The following IRAK1BP1 variants were observed in gnomAD, a reference collection of about 807,000 sequenced individuals.
IRAK1BP1 encodes interleukin 1 receptor associated kinase 1 binding protein 1.
IRAK1BP1 carries 24 observed loss-of-function variants against 28.0 expected under a neutral mutation model. That is an observed-to-expected ratio of 0.86 (90% CI 0.62 to 1.20). IRAK1BP1 has a LOEUF of 1.20. Among genes scored for constraint, IRAK1BP1 ranks in the 50% most tolerant of loss-of-function variants. The pLI, the probability that IRAK1BP1 is intolerant of heterozygous loss-of-function variation, is 0.00. For missense variants in IRAK1BP1, 336 were observed against 316.7 expected, an observed-to-expected ratio of 1.06 and a Z score of -0.46; for synonymous variants, 131 against 116.3, an observed-to-expected ratio of 1.13 and a Z score of -0.81.
chr6:78,935,441 C>A, intron 4 of IRAK1BP1: 1 of 915,268 alleles, frequency 1.1e-6, no homozygotes, highest in East Asian at 1.2e-4. Context: ...ACCTTCTTTC[C>A]ATCATTCCTT....
exon 5 of IRAK1BP1, chr6:78,945,976 T>C (rs1391420198): frequency 3.9e-6 from 6 of 1,549,026 alleles, no homozygotes; most frequent in Non-Finnish European, 4.5e-6. Context: ...ATCATATACA[T>C]TTCAATTTAG....
intron 1 of IRAK1BP1, among the ~76,000 whole-genome samples, chr6:78,877,747 G>C (rs1771055762): frequency 6.6e-6 from 1 of 152,190 alleles, no homozygotes; most frequent in Admixed American, 6.5e-5. Context: ...CTAGCCAAGG[G>C]AACCCGTGAC....
chr6:78,924,337 A>C (rs528482446), intron 4 of IRAK1BP1, among the ~76,000 whole-genome samples: 30 of 152,274 alleles, frequency 2.0e-4, no homozygotes. Context: ...TAAATTCCTC[A>C]ACACATACAC....
intron 4 of IRAK1BP1, chr6:78,940,361 C>T (rs1430048629): frequency 6.6e-6 from 1 of 151,490 alleles, no homozygotes; most frequent in African/African-American, 2.4e-5. Context: ...GCAGAATTGT[C>T]TTTTCTATAA....
chr6:78,873,432 TATA>T (rs1770868930), intron 1 of IRAK1BP1, among the ~76,000 whole-genome samples: 1 of 152,084 alleles, frequency 6.6e-6, no homozygotes, highest in South Asian at 2.1e-4. Context: ...TACCTTTGTA[TATA>T]ATGTTTATTG....
At chr6:78,908,846 T>A (rs535525068) in intron 4 of IRAK1BP1, among the ~76,000 whole-genome samples, 103 of 152,202 alleles carry the variant, frequency 6.8e-4, no homozygotes, top group Non-Finnish European at 1.0e-3. Context: ...TTCAAGTTCT[T>A]TCCCAACAAC....
chr6:78,945,228 T>C, intron 4 of IRAK1BP1: 1 of 1,149,130 alleles, frequency 8.7e-7, no homozygotes, highest in Non-Finnish European at 1.3e-6. Flanking sequence ...TGGATATAAA[T>C]GCTGATTCCA....
In IRAK1BP1 at chr6:78,889,951, C is replaced by T. The variant is rs181938267; in HGVS notation, c.381+4508C>T. On this transcript the variant is annotated intron_variant, in intron 2 of 3. Transcript: ENST00000369940. Reference sequence around the variant, plus strand: ...ACCCAAAGGATTATAAATCATTCTACTGTAAAGACACATGTAGACGTACAT... The same window carrying T: ...ACCCAAAGGATTATAAATCATTCTATTGTAAAGACACATGTAGACGTACAT... 1.4e-4 allele frequency among the ~76,000 whole-genome samples: 21 copies of T among 152,296 alleles called. No homozygotes were observed. The East Asian group carries it at 4.1e-3, about 29-fold the overall frequency.
the IRAK1BP1 span, among the ~76,000 whole-genome samples, chr6:78,959,477 C>T: frequency 6.6e-6 from 1 of 151,980 alleles, no homozygotes; most frequent in Non-Finnish European, 1.5e-5. Flanking sequence ...ACCAGCAGGG[C>T]AAACTGACAG....
chr6:78,958,494 G>C, the IRAK1BP1 span: 1 of 1,537,744 alleles, frequency 6.5e-7, no homozygotes, highest in Non-Finnish European at 9.0e-7. Context: ...TGTAGAAGAA[G>C]ATCAGTCACG....
Position 78,901,498 on chromosome 6 carries a change from C to A in IRAK1BP1, c.*3164C>A, listed in dbSNP as rs1409904395. The A allele has an allele frequency of 2.0e-5, 3 of 151,594 alleles. No individual in the cohort carries two copies. The highest frequency in any genetic ancestry group is 4.4e-5 in the Non-Finnish European group (3 of 67,902). 9.4% of individuals were successfully genotyped at this position (151,594 alleles called of 1,614,324 possible). The stretch of plus-strand genomic sequence containing the variant: ...AGAATAAACCTATCCTAAACTTAAT[C>A]CTGTTAGAATTTCCTTCTTTTGAAC... On this transcript the variant is annotated 3_prime_UTR_variant, in exon 4 of 4. Coordinates refer to ENST00000369940, the MANE Select transcript of IRAK1BP1 (RefSeq NM_001010844.4).
intron 4 of IRAK1BP1, chr6:78,940,655 T>A (rs781467112): frequency 2.2e-6 from 3 of 1,381,640 alleles, no homozygotes; most frequent in Non-Finnish European, 3.0e-6. Flanking sequence ...TAACTGTACC[T>A]GCTTTATAGA....
At chr6:78,939,805 G>C (rs1024076309) in intron 4 of IRAK1BP1, 4 of 152,342 alleles carry the variant, frequency 2.6e-5, no homozygotes, top group Admixed American at 2.0e-4. Context: ...CTCTGTCAAA[G>C]GACCCACCAG....
chr6:78,887,538 C>A (rs1038845252), intron 2 of IRAK1BP1, among the ~76,000 whole-genome samples: 1 of 151,888 alleles, frequency 6.6e-6, no homozygotes, highest in Non-Finnish European at 1.5e-5. Flanking sequence ...TGGTGGCGGG[C>A]GCCTGTAATC....
the IRAK1BP1 span, among the ~76,000 whole-genome samples, chr6:78,974,557 A>G: frequency 6.6e-6 from 1 of 152,138 alleles, no homozygotes; most frequent in African/African-American, 2.4e-5. Flanking sequence ...AGAGACACAA[A>G]AAACCCTTCA....
chr6:78,898,231 T>TAA lies in IRAK1BP1; in HGVS notation c.681_682dup (p.Thr228LysfsTer20). On this transcript the variant is annotated frameshift_variant, in exon 4 of 4. Coordinates refer to ENST00000369940, the MANE Select transcript of IRAK1BP1 (RefSeq NM_001010844.4). LOFTEE classifies it high-confidence loss of function. ...CAGTCATCCAGACTCTCAAGTTCAT[T>TAA]AACTGTACAACAAAAAATCAAAAGT... is the stretch of plus-strand genomic sequence containing the variant. The TAA allele has an allele frequency of 6.2e-7, 1 of 1,613,578 alleles. No individual in the cohort carries two copies. The highest frequency in any genetic ancestry group is 8.5e-7 in the Non-Finnish European group (1 of 1,179,862).
At chr6:78,978,500 G>T in the IRAK1BP1 span, 1 of 965,268 alleles carries the variant, frequency 1.0e-6, no homozygotes, top group Non-Finnish European at 1.5e-6. Context: ...TTACAAAACT[G>T]CTTCTATTTT....
intron 4 of IRAK1BP1, among the ~76,000 whole-genome samples, chr6:78,930,845 C>T (rs1365210346): frequency 6.6e-5 from 10 of 152,012 alleles, no homozygotes; most frequent in African/African-American, 2.4e-4. Flanking sequence ...GCAGGAGAAT[C>T]ACTTGAACCC....
the IRAK1BP1 span, chr6:78,965,935 A>G: frequency 6.4e-7 from 1 of 1,573,844 alleles, no homozygotes; most frequent in South Asian, 1.1e-5. Context: ...TACAACAAAT[A>G]TTTCCTTACC....
Sources: gnomAD v4.1 joint callset for allele counts (sites outside exome capture counted in the v4.1 genomes callset) on GRCh38, gnomAD v4.1.1 for gene constraint, MANE v1.5 for transcripts, NCBI Gene and HGNC (gene_info 2026-07-23, HGNC 2026-07-21) for gene names.